E2F5: variants seen among roughly 807,000 people sequenced by gnomAD.
E2F5 encodes E2F transcription factor 5, also known as transcription factor E2F5.
E2F5 carries 23 observed loss-of-function variants against 39.1 expected under a neutral mutation model. The ratio of observed to expected loss-of-function variants is 0.59; its 90% CI spans 0.42 to 0.83. The LOEUF (loss-of-function observed/expected upper bound fraction) is 0.83. Among genes scored for constraint, E2F5 ranks in the 40% least tolerant of loss-of-function variants. The pLI is 0.00. For synonymous variants in E2F5, 145 were observed against 157.8 expected, an observed-to-expected ratio of 0.92 and a Z score of 0.61; for missense variants, 365 against 406.7, an observed-to-expected ratio of 0.90 and a Z score of 0.88.
At position 85,186,499 on chromosome 8, in the gene E2F5, G is replaced by A. The variant is rs1268490761; in HGVS notation, c.234+8845G>A. ...CTGCACATGTACCCCAGAACTTAAG[G>A]TGTGTGTATGTGTGTGTGTATATAT... On this transcript the variant is annotated intron_variant, in intron 1 of 7. Coordinates refer to ENST00000416274, the MANE Select transcript of E2F5 (RefSeq NM_001951.4). Among the ~76,000 whole-genome samples, 5 of 150,728 alleles carry A rather than the reference G, an allele frequency of 3.3e-5. No individual in the cohort carries two copies. In the South Asian group the frequency reaches 8.3e-4, roughly 25 times the overall value.
chr8:85,207,353 G>C, intron 4 of E2F5, 72 bp from the exon 5 acceptor site: 1 of 1,317,748 alleles, frequency 7.6e-7, no homozygotes, highest in Non-Finnish European at 1.1e-6. Context: ...TGATTCCAGA[G>C]CCCACATTCT....
intron 1 of E2F5, among the ~76,000 whole-genome samples, chr8:85,185,167 A>C (rs1406692484): frequency 6.6e-6 from 1 of 152,216 alleles, no homozygotes; most frequent in Non-Finnish European, 1.5e-5. Context: ...AAACAGATAT[A>C]TAGACCAATG....
At chr8:85,186,949 C>G (rs1401531749) in intron 1 of E2F5, among the ~76,000 whole-genome samples, 1 of 94,138 alleles carries the variant, frequency 1.1e-5, no homozygotes, top group Non-Finnish European at 2.3e-5. Flanking sequence ...TTTTCTCTAA[C>G]AATCCAAGCA....
chr8:85,192,226 T>G (rs529389310), intron 1 of E2F5, among the ~76,000 whole-genome samples: 7 of 152,264 alleles, frequency 4.6e-5, no homozygotes, highest in African/African-American at 1.7e-4. Flanking sequence ...TGATTTTCAC[T>G]TAGAAGTTAT....
chr8:85,212,788 C>T (rs1812964988), intron 7 of E2F5: 1 of 152,004 alleles, frequency 6.6e-6, no homozygotes, highest in African/African-American at 2.4e-5. Context: ...TAGAGATGTA[C>T]TAAACATGTA....
intron 1 of E2F5, among the ~76,000 whole-genome samples, chr8:85,178,950 A>G (rs961993888): frequency 6.6e-6 from 1 of 152,204 alleles, no homozygotes; most frequent in Admixed American, 6.5e-5. Flanking sequence ...GCATTTTGGT[A>G]AGTAATTTCT....
rs556208081 is a variant in E2F5 at position 85,214,515 on chromosome 8, T to A, written c.*653T>A. ...TTAAAAATAAAATTGTATAAAACAT[T>A]CAATTTATTGGTCTTTGTGGAGAAT... On this transcript the variant is annotated 3_prime_UTR_variant, in exon 8 of 8. Transcript: ENST00000416274. 41 of 1,242,426 alleles carry A rather than the reference T, an allele frequency of 3.3e-5. No individual in the cohort carries two copies. Among genetic ancestry groups the A allele is most frequent in the Admixed American group, 1.3e-4 (7 of 52,410 alleles). 77.0% of individuals were successfully genotyped at this position (1,242,426 alleles called of 1,614,324 possible).
chr8:85,191,716 C>A (rs989387092), intron 1 of E2F5, among the ~76,000 whole-genome samples: 1 of 152,330 alleles, frequency 6.6e-6, no homozygotes, highest in Non-Finnish European at 1.5e-5. Context: ...TTATTCTCAG[C>A]AGCCTGGGTT....
chr8:85,184,970 T>A (rs1023443527), intron 1 of E2F5, among the ~76,000 whole-genome samples: 3 of 152,170 alleles, frequency 2.0e-5, no homozygotes, highest in Non-Finnish European at 4.4e-5. Flanking sequence ...GCTATCCCTA[T>A]CAAGCTACCA....
Position 85,214,234 on chromosome 8 carries a change from C to T in E2F5, c.*372C>T. 1.8e-6 allele frequency: 1 copy of T among 546,762 alleles called. No individual in the cohort carries two copies. The allele number at this position is 546,762 out of a possible 1,614,324, so 33.9% of individuals were successfully genotyped here. A position where few individuals can be genotyped will look rare whatever the true frequency, so the allele number is the denominator to read the frequency against. On this transcript the variant is annotated 3_prime_UTR_variant, in exon 8 of 8. Coordinates refer to ENST00000416274, the MANE Select transcript of E2F5 (RefSeq NM_001951.4). Reference sequence around the variant, plus strand: ...ACTCATTACTTGTCTTATATTTTTACTGCCACTAAACTGCCTGTATTTCTG... The same window carrying T: ...ACTCATTACTTGTCTTATATTTTTATTGCCACTAAACTGCCTGTATTTCTG...
At chr8:85,203,060 A>G (rs2129724328) in intron 2 of E2F5, 34 bp from the exon 3 acceptor site, 1 of 1,391,758 alleles carries the variant, frequency 7.2e-7, no homozygotes, top group Non-Finnish European at 9.4e-7. Flanking sequence ...CCTAGATCTG[A>G]TACTGAGGAT....
At chr8:85,211,220 TA>T (rs5892938) in intron 6 of E2F5, among the ~76,000 whole-genome samples, 57,961 of 112,462 alleles carry the variant, frequency 0.52, 15,300 homozygotes, top group Non-Finnish European at 0.62. Flanking sequence ...ACCCTATCTC[TA>T]AAAAAAAAAA....
At position 85,213,869 on chromosome 8, in the gene E2F5, T is replaced by A. The variant is rs764759069; in HGVS notation, c.*7T>A. 4 of 1,533,278 alleles carry A rather than the reference T, an allele frequency of 2.6e-6. No homozygotes were observed. The highest frequency in any genetic ancestry group is 2.7e-6 in the Non-Finnish European group (3 of 1,107,708). The allele number at this position is 1,533,278 out of a possible 1,614,324, so 95.0% of individuals were successfully genotyped here. On this transcript the variant is annotated 3_prime_UTR_variant, in exon 8 of 8. Transcript: ENST00000416274. Reference sequence around the variant, plus strand: ...CCAGATACTAAATTATTAGATTCCATGGAAACTTGGGACTGTTATCTACCT... The same window carrying A: ...CCAGATACTAAATTATTAGATTCCAAGGAAACTTGGGACTGTTATCTACCT...
rs1813017412 is a variant in E2F5, at chr8:85,213,841, T to C, written c.1020T>C (p.Asp340=). The change falls in exon 8 of 8, where the codon GAT becomes GAC. Residue 340 remains aspartate, a synonymous_variant. Coordinates refer to ENST00000416274, the MANE Select transcript of E2F5 (RefSeq NM_001951.4). The stretch of plus-strand genomic sequence containing the variant: ...ACGAAGGAGTTTGTGATCTGTTTGA[T>C]GTCCAGATACTAAATTATTAGATTC... ...DDNEGVCDLF[D]VQILNY is the part of the protein sequence containing the mutation. 6.2e-7 allele frequency: 1 copy of C among 1,606,718 alleles called. No homozygotes were observed. Among genetic ancestry groups the C allele is most frequent in the Non-Finnish European group, 8.5e-7 (1 of 1,173,586 alleles).
chr8:85,185,185 A>G (rs534917330), intron 1 of E2F5, among the ~76,000 whole-genome samples: 17 of 152,348 alleles, frequency 1.1e-4, no homozygotes, highest in Non-Finnish European at 2.4e-4. Flanking sequence ...ATGGAACAGA[A>G]CAGAGGCCTC....
intron 1 of E2F5, among the ~76,000 whole-genome samples, chr8:85,186,078 T>C (rs906780157): frequency 3.3e-5 from 5 of 152,206 alleles, no homozygotes; most frequent in Admixed American, 2.0e-4. Context: ...ATTGTGGCAC[T>C]ATTCACAATA....
At position 85,213,985 on chromosome 8, in the gene E2F5, T is replaced by C; in HGVS notation, c.*123T>C. ...TTTTAGTTCACTGATTCTGAAGTGTTCTTCCCTAATACTTTCTTTACTTCA... is the reference window on the plus strand; with the variant it reads ...TTTTAGTTCACTGATTCTGAAGTGTCCTTCCCTAATACTTTCTTTACTTCA... On this transcript the variant is annotated 3_prime_UTR_variant, in exon 8 of 8. Coordinates refer to ENST00000416274, the MANE Select transcript of E2F5 (RefSeq NM_001951.4). 1.6e-6 allele frequency: 1 copy of C among 639,768 alleles called. No individual in the cohort carries two copies. Among genetic ancestry groups the C allele is most frequent in the Non-Finnish European group, 2.7e-6 (1 of 368,998 alleles). The allele number at this position is 639,768 out of a possible 1,614,324, so 39.6% of individuals were successfully genotyped here.
At chr8:85,210,963 A>G (rs80214018) in intron 6 of E2F5, among the ~76,000 whole-genome samples, 1 of 152,270 alleles carries the variant, frequency 6.6e-6, no homozygotes. Context: ...AGGAAATAGC[A>G]TAATTAGCTA....
rs540823391 is a variant in E2F5, at chr8:85,181,823, G to T, written c.234+4169G>T. On this transcript the variant is annotated intron_variant, in intron 1 of 7. Coordinates refer to ENST00000416274, the MANE Select transcript of E2F5 (RefSeq NM_001951.4). Reference sequence around the variant, plus strand: ...AAAAATACAAAAAAATTAGCCAGGCGTCGTGGAGGCGCCTGTAATCCCAGC... The same window carrying T: ...AAAAATACAAAAAAATTAGCCAGGCTTCGTGGAGGCGCCTGTAATCCCAGC... Among the ~76,000 whole-genome samples, 14 of 151,688 alleles carry T rather than the reference G, an allele frequency of 9.2e-5. No individual in the cohort carries two copies. The South Asian group carries it at 2.9e-3, about 32-fold the overall frequency.
Sources: allele counts gnomAD v4.1 joint callset (sites outside exome capture counted in the v4.1 genomes callset), GRCh38; gene constraint gnomAD v4.1.1; transcripts MANE v1.5; gene names NCBI Gene and HGNC (gene_info 2026-07-23, HGNC 2026-07-21).